The following DCUN1D4 variants were observed in gnomAD, a reference collection of about 807,000 sequenced individuals.
DCUN1D4 encodes the protein DCN1-like protein 4.
Under a neutral mutation model 47.9 loss-of-function variants are expected in DCUN1D4, and 22 were observed. That is an observed-to-expected ratio of 0.46 (90% CI 0.33 to 0.66). The LOEUF is 0.66. DCUN1D4 is among the 30% of genes least tolerant of loss of function. DCUN1D4 has a pLI of 0.02. For synonymous variants in DCUN1D4, 121 were observed against 112.2 expected (o/e 1.08, Z -0.50); for missense variants, 301 against 340.8 (o/e 0.88, Z 0.92).
chr4:51,887,673 C>G (rs1175967866), intron 6 of DCUN1D4, among the ~76,000 whole-genome samples: 1 of 152,166 alleles, frequency 6.6e-6, no homozygotes, highest in Admixed American at 6.5e-5. Context: ...CTCAAGAGAT[C>G]ATTCTCTTCA....
At chr4:51,834,880 G>A in the DCUN1D4 span, among the ~76,000 whole-genome samples, 1 of 152,166 alleles carries the variant, frequency 6.6e-6, no homozygotes, top group East Asian at 1.9e-4. Context: ...TGCTACTTAG[G>A]GACCTACTCT....
chr4:51,885,992 G>A (rs959259213), intron 5 of DCUN1D4, among the ~76,000 whole-genome samples: 2 of 152,244 alleles, frequency 1.3e-5, no homozygotes, highest in African/African-American at 4.8e-5. Flanking sequence ...AGAGCTAGGA[G>A]AAGAAGAAAC....
intron 1 of DCUN1D4, chr4:51,860,584 G>A: frequency 2.2e-6 from 1 of 455,444 alleles, no homozygotes; most frequent in Non-Finnish European, 4.4e-6. Flanking sequence ...TTGGCTTCTA[G>A]AGAGTCTTAC....
At chr4:51,864,701 G>T (rs1725624307) in intron 3 of DCUN1D4, among the ~76,000 whole-genome samples, 1 of 152,170 alleles carries the variant, frequency 6.6e-6, no homozygotes, top group Non-Finnish European at 1.5e-5. Flanking sequence ...TTCCATTAAT[G>T]AGGGCTCTAC....
chr4:51,839,146 GGAAGGAAGGAAGGAAGGA>G (rs1193283305), upstream of DCUN1D4, among the ~76,000 whole-genome samples: 1 of 136,798 alleles, frequency 7.3e-6, no homozygotes, highest in Non-Finnish European at 1.5e-5. Flanking sequence ...AGGGAGGGAA[GGAAGGAAGGAAGGAAGGA>G]GAAGGAAGGA....
At chr4:51,876,842 T>G (rs767109744) in intron 4 of DCUN1D4, among the ~76,000 whole-genome samples, 38 of 152,218 alleles carry the variant, frequency 2.5e-4, no homozygotes, top group Non-Finnish European at 5.0e-4. Flanking sequence ...ATTTTCATAT[T>G]CTTACATACT....
chr4:51,833,908 C>T, the DCUN1D4 span, among the ~76,000 whole-genome samples: 1 of 151,956 alleles, frequency 6.6e-6, no homozygotes, highest in African/African-American at 2.4e-5. Flanking sequence ...TGGAGGTGAG[C>T]TTTAAGCTGT....
chr4:51,840,717 A>C (rs937192292), upstream of DCUN1D4, among the ~76,000 whole-genome samples: 5 of 152,214 alleles, frequency 3.3e-5, no homozygotes, highest in Non-Finnish European at 7.3e-5. Context: ...AACTATAACA[A>C]GTTTCCTGAT....
At chr4:51,864,450 C>T (rs1024061202) in intron 3 of DCUN1D4, among the ~76,000 whole-genome samples, 1 of 152,268 alleles carries the variant, frequency 6.6e-6, no homozygotes, top group Non-Finnish European at 1.5e-5. Context: ...TAGTAATAGA[C>T]GAATTGAAAT....
At position 51,877,050 on chromosome 4, in the gene DCUN1D4, G is replaced by T. The variant is rs1018476542; in HGVS notation, c.252-713G>T. 2.6e-5 allele frequency among the ~76,000 whole-genome samples: 4 copies of T among 152,164 alleles called. No individual in the cohort carries two copies. In the East Asian group the frequency reaches 7.7e-4, roughly 29 times the overall value. On this transcript the variant is annotated intron_variant, in intron 4 of 10. Coordinates refer to ENST00000334635, the MANE Select transcript of DCUN1D4 (RefSeq NM_001040402.3). ...GGTTATTATGAAGTATGTCATTTTT[G>T]TGGAAGGTCACAGTTGCAACAGGAG...
intron 7 of DCUN1D4, among the ~76,000 whole-genome samples, chr4:51,894,054 T>A (rs567952151): frequency 1.3e-5 from 2 of 152,280 alleles, no homozygotes; most frequent in African/African-American, 4.8e-5. Flanking sequence ...GGCTGTTTGT[T>A]GGGAACCTTG....
At chr4:51,844,755 G>C in intron 1 of DCUN1D4, 1 of 881,252 alleles carries the variant, frequency 1.1e-6, no homozygotes, top group Non-Finnish European at 1.4e-6. Context: ...GTATGAAGGG[G>C]AAAGGCGGTC....
chr4:51,868,734 G>A (rs1159311606), intron 3 of DCUN1D4, among the ~76,000 whole-genome samples: 1 of 152,132 alleles, frequency 6.6e-6, no homozygotes, highest in Non-Finnish European at 1.5e-5. Flanking sequence ...TTTCTTTTGT[G>A]TGTCACAATC....
intron 1 of DCUN1D4, among the ~76,000 whole-genome samples, chr4:51,849,151 G>T (rs1722985359): frequency 6.6e-6 from 1 of 152,200 alleles, no homozygotes; most frequent in Non-Finnish European, 1.5e-5. Context: ...TCTGATTGGA[G>T]AATTCTTACC....
chr4:51,848,692 G>A (rs757554122), intron 1 of DCUN1D4, among the ~76,000 whole-genome samples: 6 of 152,158 alleles, frequency 3.9e-5, no homozygotes, highest in African/African-American at 7.2e-5. Flanking sequence ...GGAAAACATT[G>A]AAATGCATTC....
Position 51,915,721 on chromosome 4 carries a change from A to T in DCUN1D4, c.*2137A>T, listed in dbSNP as rs1001645060. On this transcript the variant is annotated 3_prime_UTR_variant, in exon 11 of 11. Transcript: ENST00000334635. ...ATAGAGATTTTTAAAAAATGCTGAT[A>T]AGCACAGTTAATTCTAAAATGAGAG... 6.6e-5 allele frequency: 10 copies of T among 152,602 alleles called. No homozygotes were observed. The highest frequency in any genetic ancestry group is 2.2e-4 in the African/African-American group (9 of 41,454). The allele number at this position is 152,602 out of a possible 1,614,324, so 9.5% of individuals were successfully genotyped here.
intron 1 of DCUN1D4, among the ~76,000 whole-genome samples, chr4:51,849,176 T>A (rs1722991372): frequency 6.6e-6 from 1 of 152,196 alleles, no homozygotes. Flanking sequence ...CAGGCAGATC[T>A]TCTCAGACAC....
chr4:51,856,773 AC>A (rs1724205292), intron 1 of DCUN1D4, among the ~76,000 whole-genome samples: 1 of 152,188 alleles, frequency 6.6e-6, no homozygotes, highest in African/African-American at 2.4e-5. Context: ...TTTTCCTTAC[AC>A]TGCAATCACA....
intron 1 of DCUN1D4, among the ~76,000 whole-genome samples, chr4:51,854,244 G>A (rs1043396750): frequency 6.6e-6 from 1 of 152,158 alleles, no homozygotes; most frequent in Non-Finnish European, 1.5e-5. Flanking sequence ...AATTGGTATT[G>A]TAAATCATTT....
Sources: gnomAD v4.1 joint callset for allele counts (sites outside exome capture counted in the v4.1 genomes callset) on GRCh38, gnomAD v4.1.1 for gene constraint, MANE v1.5 for transcripts, NCBI Gene and HGNC (gene_info 2026-07-23, HGNC 2026-07-21) for gene names.